The following GSK3B variants were observed in gnomAD, a reference collection of about 807,000 sequenced individuals.
GSK3B encodes glycogen synthase kinase 3 beta, also known as glycogen synthase kinase-3 beta.
In GSK3B, 15 loss-of-function variants were observed where a neutral mutation model predicts 56.4. The observed-to-expected ratio is 0.27, with a 90% CI of 0.18 to 0.41. GSK3B has a LOEUF of 0.41. Among genes scored for constraint, GSK3B ranks in the 10% least tolerant of loss-of-function variants. The probability of loss-of-function intolerance (pLI) is 1.00; values close to 1 mark genes in which losing one functional copy is unlikely to be tolerated. For synonymous variants in GSK3B, 181 were observed against 188.9 expected (o/e 0.96, Z 0.34); for missense variants, 300 against 513.4 (o/e 0.58, Z 4.02).
chr3:120,039,198 G>T (rs1295509645), intron 1 of GSK3B, among the ~76,000 whole-genome samples: 2 of 152,166 alleles, frequency 1.3e-5, no homozygotes, highest in African/African-American at 4.8e-5. Context: ...AACACCAAAA[G>T]CTGATGAAAA....
intron 3 of GSK3B, among the ~76,000 whole-genome samples, chr3:119,943,784 T>C (rs2057072528): frequency 6.8e-6 from 1 of 147,700 alleles, no homozygotes; most frequent in Admixed American, 6.8e-5. Context: ...AAAAAGGGTG[T>C]GGGGGAGAAG....
At chr3:119,871,691 G>A (rs1480567613) in intron 8 of GSK3B, among the ~76,000 whole-genome samples, 1 of 152,130 alleles carries the variant, frequency 6.6e-6, no homozygotes. Flanking sequence ...GGGGAGTAGA[G>A]AGAGGGAAGG....
At chr3:119,867,381 TG>T (rs1403155110) in intron 8 of GSK3B, among the ~76,000 whole-genome samples, 1 of 152,204 alleles carries the variant, frequency 6.6e-6, no homozygotes, top group Non-Finnish European at 1.5e-5. Context: ...TTTTCTATTG[TG>T]GGCTTTGCCC....
chr3:119,944,481 T>C (rs1328856872), intron 3 of GSK3B, among the ~76,000 whole-genome samples: 1 of 152,208 alleles, frequency 6.6e-6, no homozygotes, highest in African/African-American at 2.4e-5. Flanking sequence ...AGGCACTGGT[T>C]TCCTTGCAGT....
intron 2 of GSK3B, among the ~76,000 whole-genome samples, chr3:119,948,368 A>G (rs1402567436): frequency 6.6e-6 from 1 of 152,214 alleles, no homozygotes; most frequent in Non-Finnish European, 1.5e-5. Context: ...GATGGCTTCT[A>G]GTTCTTAGAA....
intron 1 of GSK3B, among the ~76,000 whole-genome samples, chr3:120,054,194 T>C (rs1002578418): frequency 4.6e-5 from 7 of 152,216 alleles, no homozygotes; most frequent in Admixed American, 2.6e-4. Context: ...TTCAAGATGA[T>C]GGTATTTTAT....
chr3:119,885,530 T>C (rs745556562), intron 7 of GSK3B, among the ~76,000 whole-genome samples: 5 of 152,078 alleles, frequency 3.3e-5, no homozygotes, highest in Non-Finnish European at 7.4e-5. Flanking sequence ...AATGTCATTT[T>C]CCACAGAACT....
At chr3:119,909,039 AG>A (rs374507152) in intron 6 of GSK3B, among the ~76,000 whole-genome samples, 2 of 152,042 alleles carry the variant, frequency 1.3e-5, no homozygotes, top group Non-Finnish European at 1.5e-5. Flanking sequence ...TTGTTTTGAG[AG>A]GGGGGGTCTC....
At chr3:119,858,817 T>C (rs1324754835) in intron 9 of GSK3B, among the ~76,000 whole-genome samples, 1 of 152,138 alleles carries the variant, frequency 6.6e-6, no homozygotes, top group Admixed American at 6.5e-5. Context: ...GAGGCTCTTG[T>C]AGGGTTATTA....
chr3:119,982,054 C>CTGG (rs1224846148), intron 2 of GSK3B, among the ~76,000 whole-genome samples: 1 of 152,200 alleles, frequency 6.6e-6, no homozygotes, highest in Non-Finnish European at 1.5e-5. Flanking sequence ...GCAGCCTCTG[C>CTGG]TGGTGATACA....
chr3:119,940,491 C>A (rs1366650164), intron 3 of GSK3B, among the ~76,000 whole-genome samples: 1 of 151,786 alleles, frequency 6.6e-6, no homozygotes, highest in East Asian at 1.9e-4. Flanking sequence ...GTTTTAGAAA[C>A]CTCTGATAAA....
chr3:119,855,286 C>T (rs539735099), intron 9 of GSK3B, among the ~76,000 whole-genome samples: 116 of 152,300 alleles, frequency 7.6e-4, no homozygotes, highest in African/African-American at 2.7e-3. Flanking sequence ...GAGATACCAT[C>T]TCACACCAGT....
chr3:119,865,388 AT>A (rs1252493374), intron 8 of GSK3B, among the ~76,000 whole-genome samples: 7 of 141,794 alleles, frequency 4.9e-5, no homozygotes, highest in Admixed American at 1.4e-4. Flanking sequence ...ATTTTCAAAG[AT>A]TTTGTGTTAA....
intron 1 of GSK3B, among the ~76,000 whole-genome samples, chr3:120,050,640 GGAA>G (rs1414215186): frequency 1.3e-5 from 2 of 152,114 alleles, no homozygotes; most frequent in Non-Finnish European, 2.9e-5. Flanking sequence ...AAGATAGAGA[GGAA>G]GAAGAAGAAT....
intron 1 of GSK3B, among the ~76,000 whole-genome samples, chr3:120,053,792 G>GA (rs749537866): frequency 6.6e-6 from 1 of 152,108 alleles, no homozygotes; most frequent in African/African-American, 2.4e-5. Context: ...TTATAAGGGG[G>GA]AGTTTCCCTG....
rs73854759 is a variant in GSK3B at position 119,992,443 on chromosome 3, T to C, written c.282+9603A>G. 4.9e-3 allele frequency among the ~76,000 whole-genome samples: 746 copies of C among 152,192 alleles called. 3 individuals carry two copies. The highest frequency in any genetic ancestry group is 0.017 in the African/African-American group (700 of 41,570). ...AAGATAAAATTAGATCAATAATTCA[T>C]ACCATAATAGGAATAAACTCCAAAT... On this transcript the variant is annotated intron_variant, in intron 2 of 10. Coordinates refer to ENST00000264235, the MANE Select transcript of GSK3B (RefSeq NM_001146156.2).
chr3:119,826,716 C>T lies in GSK3B; in HGVS notation c.*72G>A, dbSNP rs762507594. 4.1e-5 allele frequency: 38 copies of T among 918,290 alleles called. No individual in the cohort carries two copies. The highest frequency in any genetic ancestry group is 1.5e-4 in the African/African-American group (9 of 61,794). 56.9% of individuals were successfully genotyped at this position (918,290 alleles called of 1,614,324 possible). A position where few individuals can be genotyped will look rare whatever the true frequency, so the allele number is the denominator to read the frequency against. On this transcript the variant is annotated 3_prime_UTR_variant, in exon 11 of 11. Transcript: ENST00000264235. ...TTCTCTTTTTAATATTCTTTCCAAA[C>T]GTGACCAGTGTTGCTGAGTGACACT...
At chr3:119,901,234 A>T (rs919473577) in intron 7 of GSK3B, among the ~76,000 whole-genome samples, 1 of 152,184 alleles carries the variant, frequency 6.6e-6, no homozygotes, top group African/African-American at 2.4e-5. Context: ...AAGAATTTAA[A>T]GGAAAAAAAG....
intron 2 of GSK3B, among the ~76,000 whole-genome samples, chr3:119,987,604 C>T (rs2107461593): frequency 6.6e-6 from 1 of 152,158 alleles, no homozygotes; most frequent in African/African-American, 2.4e-5. Context: ...AACAAAAGCA[C>T]AATGGGTTTT....
Sources: allele counts gnomAD v4.1 joint callset (sites outside exome capture counted in the v4.1 genomes callset), GRCh38; gene constraint gnomAD v4.1.1; transcripts MANE v1.5; gene names NCBI Gene and HGNC (gene_info 2026-07-23, HGNC 2026-07-21).